The following CHD8 variants were observed in gnomAD, a reference collection of about 807,000 sequenced individuals.
CHD8 encodes the protein ATP-dependent chromatin remodeler CHD8.
Under a neutral mutation model 279.2 loss-of-function variants are expected in CHD8, and 31 were observed. The observed-to-expected ratio is 0.11, with a 90% CI of 0.08 to 0.15. CHD8 has a LOEUF of 0.15. Ranked by LOEUF, CHD8 falls within the 10% of genes least tolerant of loss-of-function variation. CHD8 has a pLI of 1.00. For synonymous variants in CHD8, 1,081 were observed against 1,139.6 expected (o/e 0.95, Z 1.04); for missense variants, 2,146 against 3,230.5 (o/e 0.66, Z 8.14).
At chr14:21,401,196 A>G (rs1888017946) in intron 21 of CHD8, 125 bp from the exon 22 acceptor site, 2 of 914,526 alleles carry the variant, frequency 2.2e-6, no homozygotes, top group Non-Finnish European at 3.2e-6. Context: ...TTTTTAAATG[A>G]CATGTAAAAT....
At chr14:21,435,530 T>C (rs1037097391) in intron 1 of CHD8, among the ~76,000 whole-genome samples, 2 of 152,188 alleles carry the variant, frequency 1.3e-5, no homozygotes, top group Non-Finnish European at 2.9e-5. Flanking sequence ...ATTTCTATAA[T>C]AAACTGTCTG....
At chr14:21,455,718 G>GCGC (rs774222950) in intron 1 of CHD8, among the ~76,000 whole-genome samples, 12 of 151,980 alleles carry the variant, frequency 7.9e-5, no homozygotes, top group Non-Finnish European at 1.3e-4. Context: ...GGAGAACAAG[G>GCGC]CGCCGCCTCC....
chr14:21,443,671 G>A (rs916051103), intron 1 of CHD8, among the ~76,000 whole-genome samples: 1 of 151,764 alleles, frequency 6.6e-6, no homozygotes, highest in Non-Finnish European at 1.5e-5. Flanking sequence ...TGGCTAATAC[G>A]GTGAAACCCC....
intron 13 of CHD8, 25 bp from the exon 14 acceptor site, chr14:21,407,057 G>A: frequency 6.6e-7 from 1 of 1,526,326 alleles, no homozygotes; most frequent in African/African-American, 1.4e-5. Context: ...AGTAAAGTCA[G>A]AAAAAACCAA....
In CHD8 at chr14:21,429,315, G is replaced by A. The variant is rs776986882; in HGVS notation, c.864C>T (p.Thr288=). 1 of 1,603,580 alleles carries A rather than the reference G, an allele frequency of 6.2e-7. No homozygotes were observed. Among genetic ancestry groups the A allele is most frequent in the Non-Finnish European group, 8.5e-7 (1 of 1,172,518 alleles). ...CAGACTGTGGCTGCTGGAGGACCAG[G>A]GTGATGCGTTTCGATTCACCCTAAA... The part of the protein sequence containing the change: ...TPTQGESKRI[T]LVLQQPQSGG... The change falls in exon 3 of 38, where the codon ACC becomes ACT. Residue 288 remains threonine, a synonymous_variant. Transcript: ENST00000646647.
chr14:21,394,245 T>A (rs764128434), intron 31 of CHD8, 32 bp downstream of exon 31: 2 of 1,612,870 alleles, frequency 1.2e-6, no homozygotes, highest in Non-Finnish European at 1.7e-6. Context: ...TCTGTTGGCA[T>A]CCATCCTCAC....
chr14:21,401,114 G>T, intron 21 of CHD8, 43 bp from the exon 22 acceptor site: 1 of 1,414,632 alleles, frequency 7.1e-7, no homozygotes, highest in Non-Finnish European at 9.6e-7. Flanking sequence ...TTCCTGATTT[G>T]CTCATGGGAA....
chr14:21,392,384 G>T, intron 34 of CHD8, 123 bp downstream of exon 34: 1 of 965,250 alleles, frequency 1.0e-6, no homozygotes, highest in Non-Finnish European at 1.6e-6. Context: ...ATCTTTGTAA[G>T]CTCTGTTTTC....
intron 1 of CHD8, among the ~76,000 whole-genome samples, chr14:21,448,136 C>T (rs1890171482): frequency 6.6e-6 from 1 of 152,134 alleles, no homozygotes; most frequent in Non-Finnish European, 1.5e-5. Flanking sequence ...AGAGGCTATA[C>T]GGAATTGTTT....
At chr14:21,389,534 C>T (rs1486137433) in intron 37 of CHD8, among the ~76,000 whole-genome samples, 4 of 151,916 alleles carry the variant, frequency 2.6e-5, no homozygotes, top group African/African-American at 4.8e-5. Context: ...TCACTTGAAC[C>T]GGGGATGCAG....
intron 1 of CHD8, among the ~76,000 whole-genome samples, chr14:21,442,021 T>C (rs777991772): frequency 1.3e-5 from 2 of 152,250 alleles, no homozygotes; most frequent in African/African-American, 4.8e-5. Context: ...TTGAGAGTTA[T>C]TAGCAACTAA....
chr14:21,442,383 T>G (rs1020992169), intron 1 of CHD8, among the ~76,000 whole-genome samples: 1 of 152,114 alleles, frequency 6.6e-6, no homozygotes, highest in African/African-American at 2.4e-5. Flanking sequence ...GAGGATTGCC[T>G]GAGCCCGGGA....
intron 35 of CHD8, 81 bp downstream of exon 35, chr14:21,391,752 C>T (rs1887553259): frequency 1.3e-6 from 2 of 1,516,802 alleles, no homozygotes; most frequent in East Asian, 2.3e-5. Flanking sequence ...TTTCCATTCC[C>T]CCAGTCCCAC....
chr14:21,391,665 C>T (rs1400198276), intron 35 of CHD8, 23 bp from the exon 36 acceptor site: 3 of 1,517,954 alleles, frequency 2.0e-6, no homozygotes, highest in Non-Finnish European at 2.7e-6. Context: ...AATCCACCCC[C>T]ATGAGCACAT....
At chr14:21,441,158 T>C (rs780740982) in intron 1 of CHD8, among the ~76,000 whole-genome samples, 4 of 152,092 alleles carry the variant, frequency 2.6e-5, no homozygotes, top group African/African-American at 2.4e-5. Context: ...ACCAACCAGT[T>C]AGACAATATT....
Position 21,431,319 on chromosome 14 carries a change from C to G in CHD8, c.325G>C (p.Val109Leu). 6.5e-7 allele frequency: 1 copy of G among 1,547,728 alleles called. No homozygotes were observed. Among genetic ancestry groups the G allele is most frequent in the Non-Finnish European group, 8.7e-7 (1 of 1,153,106 alleles). The change falls in exon 2 of 38, where the codon GTC (valine) becomes CTC (leucine). Residue 109 changes from valine (V) to leucine (L), a missense_variant. Val to Leu is a conservative substitution (Grantham distance 32, BLOSUM62 1). Around this residue, in one of 26 missense-constraint regions of CHD8, gnomAD observed 302 missense variants for 325.5 expected, o/e 0.93. Transcript: ENST00000646647. ...GATGTTGGCGTCGATGTCTGTAAGACAGGTTGGGCTGGCTGCTCCTGGCTG... is the reference window on the plus strand; with the variant it reads ...GATGTTGGCGTCGATGTCTGTAAGAGAGGTTGGGCTGGCTGCTCCTGGCTG... ...PASQEQPAQP[V>L]LQTSTPTSGL...
At chr14:21,415,173 C>G in intron 7 of CHD8, 180 bp from the exon 8 acceptor site, 1 of 580,698 alleles carries the variant, frequency 1.7e-6, no homozygotes, top group Non-Finnish European at 3.0e-6. Flanking sequence ...AAAAAGTAAG[C>G]CTTTATCCAC....
intron 1 of CHD8, among the ~76,000 whole-genome samples, chr14:21,449,066 C>A (rs942918695): frequency 6.6e-6 from 1 of 151,782 alleles, no homozygotes; most frequent in Admixed American, 6.6e-5. Context: ...CCCAGCTACT[C>A]GGGAGGCTGA....
chr14:21,412,433 C>A (rs760366964), intron 10 of CHD8, among the ~76,000 whole-genome samples: 28 of 152,090 alleles, frequency 1.8e-4, no homozygotes, highest in Non-Finnish European at 8.8e-5. Flanking sequence ...TGTGGGCCAC[C>A]GCGCCTGGCC....
Sources: gnomAD v4.1 joint callset for allele counts (sites outside exome capture counted in the v4.1 genomes callset) on GRCh38, gnomAD v4.1.1 for gene constraint, gnomAD v4.1.1 regional missense constraint, MANE v1.5 for transcripts, NCBI Gene and HGNC (gene_info 2026-07-23, HGNC 2026-07-21) for gene names.